Variants in RBFOX2 observed in about 807,000 individuals in gnomAD.
The protein encoded by RBFOX2 is RNA binding protein fox-1 homolog 2.
RBFOX2 carries 10 observed loss-of-function variants against 49.1 expected under a neutral mutation model. The ratio of observed to expected loss-of-function variants is 0.20; its 90% confidence interval spans 0.13 to 0.35. The LOEUF is 0.35. Among genes scored for constraint, RBFOX2 ranks in the 10% least tolerant of loss-of-function variants. The pLI is 1.00. For synonymous variants in RBFOX2, 183 were observed against 187.4 expected (o/e 0.98, Z 0.19); for missense variants, 323 against 486.9 (o/e 0.66, Z 3.17).
intron 1 of RBFOX2, among the ~76,000 whole-genome samples, chr22:35,885,479 T>G (rs1329933491): frequency 6.6e-6 from 1 of 152,216 alleles, no homozygotes; most frequent in African/African-American, 2.4e-5. Flanking sequence ...ATAAAGATCA[T>G]CTGTCTAATC....
intron 1 of RBFOX2, among the ~76,000 whole-genome samples, chr22:35,821,398 T>TC (rs1266585950): frequency 6.6e-6 from 1 of 151,880 alleles, no homozygotes; most frequent in African/African-American, 2.4e-5. Flanking sequence ...GGTCAGGAGT[T>TC]CGAGACCAGC....
chr22:35,950,786 G>A (rs1452269795), intron 1 of RBFOX2, among the ~76,000 whole-genome samples: 3 of 152,102 alleles, frequency 2.0e-5, no homozygotes, highest in South Asian at 4.2e-4. Flanking sequence ...TCTCGGTCCC[G>A]GGGTAGCTGC....
chr22:35,861,756 C>G (rs1379445541), intron 1 of RBFOX2, among the ~76,000 whole-genome samples: 1 of 152,092 alleles, frequency 6.6e-6, no homozygotes, highest in East Asian at 1.9e-4. Context: ...ACACACCTAC[C>G]ATATGATCTA....
At chr22:35,901,078 T>C (rs1187725312) in intron 1 of RBFOX2, among the ~76,000 whole-genome samples, 2 of 152,238 alleles carry the variant, frequency 1.3e-5, no homozygotes, top group Middle Eastern at 3.2e-3. Flanking sequence ...TCTCATTGCA[T>C]CTTCACAATA....
At chr22:35,783,679 G>C (rs1022122722) in intron 2 of RBFOX2, among the ~76,000 whole-genome samples, 2 of 152,040 alleles carry the variant, frequency 1.3e-5, no homozygotes, top group Non-Finnish European at 2.9e-5. Flanking sequence ...TGACCTTCCG[G>C]GCCATAAAGA....
Position 35,807,519 on chromosome 22 carries a change from A to T in RBFOX2, c.252+2261T>A, listed in dbSNP as rs1950986632. On this transcript the variant is annotated intron_variant, in intron 2 of 11. Coordinates refer to ENST00000405409, the Ensembl canonical transcript of RBFOX2. ...GCAACCCAGGAGCAAAGAAGAAACC[A>T]CAGGAAAAATTTTTAAAATGTCTCG... 3.9e-5 allele frequency among the ~76,000 whole-genome samples: 6 copies of T among 152,142 alleles called. No homozygotes were observed. The South Asian group carries it at 1.2e-3, about 32-fold the overall frequency.
intron 1 of RBFOX2, among the ~76,000 whole-genome samples, chr22:35,846,002 C>A (rs1375550745): frequency 1.3e-5 from 2 of 151,094 alleles, no homozygotes; most frequent in African/African-American, 2.4e-5. Context: ...ATTATATAAA[C>A]TTGCATGTTA....
At chr22:35,832,228 CT>C (rs1352294381) in intron 1 of RBFOX2, among the ~76,000 whole-genome samples, 1 of 151,738 alleles carries the variant, frequency 6.6e-6, no homozygotes, top group African/African-American at 2.4e-5. Context: ...CAAAAATTAA[CT>C]GGGCATGGTG....
chr22:35,769,776 G>C (rs1022028099), intron 4 of RBFOX2, among the ~76,000 whole-genome samples: 3 of 151,980 alleles, frequency 2.0e-5, no homozygotes, highest in Non-Finnish European at 1.5e-5. Context: ...AACAATGCGC[G>C]TTGCTTAATA....
intron 6 of RBFOX2, among the ~76,000 whole-genome samples, chr22:35,763,446 C>T (rs1939695823): frequency 6.6e-6 from 1 of 152,122 alleles, no homozygotes; most frequent in Non-Finnish European, 1.5e-5. Context: ...CCTGTAATCC[C>T]AGCTACTCTG....
chr22:35,842,282 T>A (rs2040602807), upstream of RBFOX2, among the ~76,000 whole-genome samples: 1 of 152,142 alleles, frequency 6.6e-6, no homozygotes. Context: ...AGTAATAATT[T>A]TAAAAAGAAT....
chr22:35,997,971 C>T (rs1292808133), intron 1 of RBFOX2: 1 of 152,190 alleles, frequency 6.6e-6, no homozygotes, highest in Non-Finnish European at 1.5e-5. Flanking sequence ...CACCACACTC[C>T]AGACTGGGTG....
chr22:35,909,449 A>C (rs1290426272), intron 1 of RBFOX2, among the ~76,000 whole-genome samples: 2 of 152,202 alleles, frequency 1.3e-5, no homozygotes, highest in Non-Finnish European at 2.9e-5. Flanking sequence ...GATACACCTG[A>C]AATATGTAAC....
intron 1 of RBFOX2, among the ~76,000 whole-genome samples, chr22:35,936,237 CAA>C (rs58153258): frequency 5.6e-4 from 36 of 64,488 alleles, no homozygotes; most frequent in Non-Finnish European, 7.4e-4. Flanking sequence ...CCAACAACAA[CAA>C]AAAAAAAAAA....
chr22:35,981,454 C>G (rs2057451487), intron 1 of RBFOX2, among the ~76,000 whole-genome samples: 1 of 151,984 alleles, frequency 6.6e-6, no homozygotes, highest in South Asian at 2.1e-4. Context: ...CCAGCCTGGC[C>G]AACATGGTAA....
chr22:35,808,042 A>C (rs1160122202), intron 2 of RBFOX2, among the ~76,000 whole-genome samples: 1 of 151,882 alleles, frequency 6.6e-6, no homozygotes, highest in African/African-American at 2.4e-5. Flanking sequence ...ATAAAAATGA[A>C]AAAAAAACCC....
At chr22:35,807,584 G>A (rs1050446488) in intron 2 of RBFOX2, among the ~76,000 whole-genome samples, 3 of 151,612 alleles carry the variant, frequency 2.0e-5, no homozygotes, top group East Asian at 1.9e-4. Flanking sequence ...CATATTTTAC[G>A]GTATGCAGCT....
At chr22:35,827,560 T>C (rs1287126059) in intron 1 of RBFOX2, among the ~76,000 whole-genome samples, 4 of 152,228 alleles carry the variant, frequency 2.6e-5, no homozygotes, top group Non-Finnish European at 4.4e-5. Context: ...GTATAACGCA[T>C]ATACATACAC....
chr22:35,783,305 T>C (rs187085880), intron 2 of RBFOX2, among the ~76,000 whole-genome samples: 43 of 152,356 alleles, frequency 2.8e-4, no homozygotes, highest in South Asian at 4.1e-4. Context: ...CCAAACTTCA[T>C]CTGATTTCCA....
Sources: gnomAD v4.1 joint callset for allele counts (sites outside exome capture counted in the v4.1 genomes callset) on GRCh38, gnomAD v4.1.1 for gene constraint, MANE v1.5 for transcripts, NCBI Gene and HGNC (gene_info 2026-07-23, HGNC 2026-07-21) for gene names.